CRYBG2: variants seen among roughly 807,000 people sequenced by gnomAD.
The protein encoded by CRYBG2 is crystallin beta-gamma domain containing 2, also known as beta/gamma crystallin domain-containing protein 2.
Under a neutral mutation model 153.4 loss-of-function variants are expected in CRYBG2, and 106 were observed. The ratio of observed to expected loss-of-function variants is 0.69; its 90% CI spans 0.59 to 0.81. The LOEUF is 0.81. Among genes scored for constraint, CRYBG2 ranks in the 30% least tolerant of loss-of-function variants. CRYBG2 has a pLI of 0.00. For synonymous variants in CRYBG2, 851 were observed against 877.8 expected (o/e 0.97, Z 0.54); for missense variants, 1,996 against 2,112.0 (o/e 0.95, Z 1.08).
chr1:26,338,044 AG>A lies in CRYBG2; in HGVS notation c.3474del (p.Cys1159AlafsTer27). ...SVGSLKPMRL[G>X]CPSVEKPGEP... ...TCCCCTGGCTTCTCCACACTTGGGC[AG>A]CCCTGCAGAGGAGACAGAGCTGAGA... On this transcript the variant is annotated frameshift_variant and splice_region_variant, in exon 8 of 20. Transcript: ENST00000308182. LOFTEE classifies it high-confidence loss of function. 1 of 1,612,866 alleles carries A rather than the reference AG, an allele frequency of 6.2e-7. No individual in the cohort carries two copies. The highest frequency in any genetic ancestry group is 1.1e-5 in the South Asian group (1 of 90,696).
rs1243409487 is a variant in CRYBG2 at position 26,338,440 on chromosome 1, G to A, written c.3382C>T (p.Pro1128Ser). The change falls in exon 7 of 20, where the codon CCC becomes TCC. Residue 1128 changes from proline (P) to serine (S), a missense_variant. Transcript: ENST00000308182. Reference protein sequence around the residue: ...LYPKPLFEDTPYILEPGEYPT... With the variant: ...LYPKPLFEDTSYILEPGEYPT... ...TACTCTCCAGGTTCCAGGATGTAGG[G>A]AGTGTCTTCGAATAATGGTTTGGGG... 2 of 1,613,194 alleles carry A rather than the reference G, an allele frequency of 1.2e-6. No individual in the cohort carries two copies. Among genetic ancestry groups the A allele is most frequent in the Non-Finnish European group, 1.7e-6 (2 of 1,179,562 alleles).
intron 17 of CRYBG2, chr1:26,324,926 G>T (rs572158676): frequency 6.6e-6 from 1 of 152,196 alleles, no homozygotes; most frequent in East Asian, 1.9e-4. Context: ...GCTAACGTTT[G>T]TTGAGAGCTG....
At chr1:26,350,059 C>T (rs2074270410) in intron 1 of CRYBG2, among the ~76,000 whole-genome samples, 1 of 152,078 alleles carries the variant, frequency 6.6e-6, no homozygotes, top group Non-Finnish European at 1.5e-5. Context: ...AAGAGATCTG[C>T]CCACCTCCGC....
chr1:26,328,981 TC>T, intron 15 of CRYBG2, 108 bp from the exon 16 acceptor site: 1 of 1,369,472 alleles, frequency 7.3e-7, no homozygotes, highest in Non-Finnish European at 1.0e-6. Flanking sequence ...CAGGCCTTCT[TC>T]CCTCCTGAGC....
rs1386026472 is a variant in CRYBG2, at chr1:26,344,233, C to T, written c.2425G>A (p.Gly809Arg). Residue 809 changes from glycine to arginine, a missense_variant, in exon 2 of 20, where the codon GGG becomes AGG. Gly to Arg is a moderately radical substitution (Grantham distance 125, BLOSUM62 -2). Coordinates refer to ENST00000308182, the MANE Select transcript of CRYBG2 (RefSeq NM_001039775.4). ...GGTCCGGGGCCCAGCACCCATGGCC[C>T]CAGCTGGTCCTCCTCAATGGCAGGC... ...TLPAIEEDQL[G>R]PWVLGPGPQE... 1 of 1,535,006 alleles carries T rather than the reference C, an allele frequency of 6.5e-7. No individual in the cohort carries two copies. The highest frequency in any genetic ancestry group is 8.7e-7 in the Non-Finnish European group (1 of 1,146,126).
intron 16 of CRYBG2, 175 bp downstream of exon 16, chr1:26,328,558 TA>T: frequency 8.6e-7 from 1 of 1,157,690 alleles, no homozygotes; most frequent in Non-Finnish European, 1.2e-6. Context: ...AGCTGGGGTC[TA>T]AGCCCTGAGA....
At position 26,343,745 on chromosome 1, in the gene CRYBG2, C is replaced by G. The variant is rs750400839; in HGVS notation, c.2913G>C (p.Trp971Cys). Residue 971 changes from tryptophan to cysteine, a missense_variant and splice_region_variant, in exon 2 of 20, where the codon TGG becomes TGC. Transcript: ENST00000308182. The surrounding 1 kb of genome is among the most constrained non-coding windows in gnomAD (Gnocchi z 4.1). Reference protein sequence around the residue: ...KLACSLPLEGWSPALKTQGKL... With the variant: ...KLACSLPLEGCSPALKTQGKL... Reference sequence around the variant, plus strand: ...CTTGCCCACCCGAGGCCTCACTTACCCACCCCTCCAGGGGCAGGGAACAGG... The same window carrying G: ...CTTGCCCACCCGAGGCCTCACTTACGCACCCCTCCAGGGGCAGGGAACAGG... 46 of 1,445,276 alleles carry G rather than the reference C, an allele frequency of 3.2e-5. No homozygotes were observed. The Middle Eastern group carries it at 9.3e-4, about 29-fold the overall frequency. The allele number at this position is 1,445,276 out of a possible 1,614,324, so 89.5% of individuals were successfully genotyped here. A position where few individuals can be genotyped will look rare whatever the true frequency, so the allele number is the denominator to read the frequency against.
At position 26,339,424 on chromosome 1, in the gene CRYBG2, G is replaced by A. The variant is rs2074102390; in HGVS notation, c.3210C>T (p.Tyr1070=). The stretch of plus-strand genomic sequence containing the variant: ...AGAAGAGGCTGATTTCCGGGGTGCT[G>A]TAGTCCTGTGGAAGGAGGGGGAAAA... ...IGSLRRVVWD[Y]STPEISLFSE... The change falls in exon 6 of 20, where the codon TAC becomes TAT. Residue 1070 remains tyrosine, a synonymous_variant. Transcript: ENST00000308182. 2.2e-5 allele frequency: 36 copies of A among 1,613,974 alleles called. No individual in the cohort carries two copies. Among genetic ancestry groups the A allele is most frequent in the Non-Finnish European group, 2.8e-5 (33 of 1,180,012 alleles).
Position 26,339,166 on chromosome 1 carries a change from T to G in CRYBG2, c.3344+124A>C, listed in dbSNP as rs898350116. 9.5e-6 allele frequency: 12 copies of G among 1,260,494 alleles called. No individual in the cohort carries two copies. In the Admixed American group the frequency reaches 2.5e-4, roughly 26 times the overall value. The allele number at this position is 1,260,494 out of a possible 1,614,324, so 78.1% of individuals were successfully genotyped here. A position where few individuals can be genotyped will look rare whatever the true frequency, so the allele number is the denominator to read the frequency against. ...ACTGAATTGCTATTGTCTGCTTACT[T>G]GCCTGTCCCCACCAGTGGACTGAGC... On this transcript the variant is annotated intron_variant, in intron 6 of 19. Coordinates refer to ENST00000308182, the MANE Select transcript of CRYBG2 (RefSeq NM_001039775.4).
intron 18 of CRYBG2, among the ~76,000 whole-genome samples, chr1:26,322,572 A>G (rs2073872558): frequency 6.6e-6 from 1 of 152,256 alleles, no homozygotes; most frequent in African/African-American, 2.4e-5. Context: ...GAATCCTTCC[A>G]TGATTGGCTT....
At position 26,345,013 on chromosome 1, in the gene CRYBG2, C is replaced by T; in HGVS notation, c.1645G>A (p.Val549Met). The change falls in exon 2 of 20, where the codon GTG becomes ATG. Residue 549 changes from valine to methionine, a missense_variant. Val to Met is a conservative substitution (Grantham distance 21). Coordinates refer to ENST00000308182, the MANE Select transcript of CRYBG2 (RefSeq NM_001039775.4). ...GCAGCAGGAGCACCAGGGCCCTTCA[C>T]AACCTCTTTCCAGGTGGGAAATGAG... ...DASFPTWKEV[V>M]KGPGAPAASS... The T allele has an allele frequency of 8.2e-7, 1 of 1,218,068 alleles. No homozygotes were observed. Among genetic ancestry groups the T allele is most frequent in the South Asian group, 1.5e-5 (1 of 66,332 alleles). 75.5% of individuals were successfully genotyped at this position (1,218,068 alleles called of 1,614,324 possible).
At chr1:26,322,717 G>A (rs34756201) in intron 18 of CRYBG2, among the ~76,000 whole-genome samples, 4,168 of 152,174 alleles carry the variant, frequency 0.027, 81 homozygotes, top group Non-Finnish European at 0.044. Context: ...CCTGCCCCAC[G>A]GTACTCTAGA....
Position 26,336,866 on chromosome 1 carries a change from G to C in CRYBG2, c.3886C>G (p.Gln1296Glu), listed in dbSNP as rs201524654. The stretch of plus-strand genomic sequence containing the variant: ...ACGCCGCTGAGCACGTGGATGGCCT[G>C]TGTGCTGGGGCCGTGTTGCACCAGC... The part of the protein sequence containing the change: ...VELVQHGPST[Q>E]AIHVLSGVWV... The change falls in exon 11 of 20, where the codon CAG (glutamine) becomes GAG (glutamate). Residue 1296 changes from glutamine (Q) to glutamate (E), a missense_variant. By Grantham distance (29) the Gln-to-Glu change is conservative. Transcript: ENST00000308182. The surrounding 1 kb of genome is among the most constrained non-coding windows in gnomAD (Gnocchi z 4.9). 6.2e-7 allele frequency: 1 copy of C among 1,605,334 alleles called. No individual in the cohort carries two copies. Among genetic ancestry groups the C allele is most frequent in the Admixed American group, 1.7e-5 (1 of 58,704 alleles).
At chr1:26,335,424 C>G (rs2074042837) in intron 14 of CRYBG2, among the ~76,000 whole-genome samples, 1 of 152,086 alleles carries the variant, frequency 6.6e-6, no homozygotes, top group Non-Finnish European at 1.5e-5. Context: ...TTGCGGTGAG[C>G]TGAGATCGCG....
rs1452458218 is a variant in CRYBG2, at chr1:26,344,010, G to A, written c.2648C>T (p.Thr883Ile). The change falls in exon 2 of 20, where the codon ACC becomes ATC. Residue 883 changes from threonine (T) to isoleucine (I), a missense_variant. Thr to Ile is a moderately conservative substitution (Grantham distance 89). Coordinates refer to ENST00000308182, the MANE Select transcript of CRYBG2 (RefSeq NM_001039775.4). Reference sequence around the variant, plus strand: ...TCCCAGCTCTGAGTGGGGGCCCTTGGTTCCTGCTACATGCTTCTTCATCAT... The same window carrying A: ...TCCCAGCTCTGAGTGGGGGCCCTTGATTCCTGCTACATGCTTCTTCATCAT... ...LEMMKKHVAG[T>I]KGPHSELGLE... 2.6e-6 allele frequency: 4 copies of A among 1,536,098 alleles called. No homozygotes were observed. The highest frequency in any genetic ancestry group is 3.5e-6 in the Non-Finnish European group (4 of 1,146,910).
Position 26,342,745 on chromosome 1 carries a change from C to T in CRYBG2, c.3204+9G>A. The stretch of plus-strand genomic sequence containing the variant: ...ACTCGAGGCCGTCTCCCACCTCCAA[C>T]TCACTCACCCAGACAACCCTCCTTA... On this transcript the variant is annotated intron_variant, in intron 5 of 19. Coordinates refer to ENST00000308182, the MANE Select transcript of CRYBG2 (RefSeq NM_001039775.4). 1 of 1,612,238 alleles carries T rather than the reference C, an allele frequency of 6.2e-7. No individual in the cohort carries two copies. Among genetic ancestry groups the T allele is most frequent in the Non-Finnish European group, 8.5e-7 (1 of 1,179,652 alleles).
intron 17 of CRYBG2, among the ~76,000 whole-genome samples, chr1:26,327,464 T>A: frequency 7.8e-6 from 1 of 127,840 alleles, no homozygotes. Flanking sequence ...CGAGATTCCG[T>A]CTCAAAAAAC....
chr1:26,324,389 C>G (rs750901244), intron 17 of CRYBG2, 79 bp from the exon 18 acceptor site: 3 of 1,424,056 alleles, frequency 2.1e-6, no homozygotes, highest in Non-Finnish European at 2.8e-6. Flanking sequence ...ACTCTGGACT[C>G]TCCAGTATCA....
intron 1 of CRYBG2, among the ~76,000 whole-genome samples, chr1:26,348,896 C>T (rs1391929384): frequency 2.1e-5 from 3 of 142,838 alleles, no homozygotes; most frequent in African/African-American, 5.0e-5. Context: ...AGGCTGGGTG[C>T]GGTGGCTCAC....
Sources: gnomAD v4.1 joint callset for allele counts (sites outside exome capture counted in the v4.1 genomes callset) on GRCh38, gnomAD v4.1.1 for gene constraint, Gnocchi (gnomAD v3.1) non-coding constraint, MANE v1.5 for transcripts, NCBI Gene and HGNC (gene_info 2026-07-23, HGNC 2026-07-21) for gene names.